BACC1: variants seen among roughly 807,000 people sequenced by gnomAD.
The protein encoded by BACC1 is BPTF-associated chromatin complex component 1.
At chr17:7,014,785 C>A in the BACC1 span, 5 of 1,516,042 alleles carry the variant, frequency 3.3e-6, no homozygotes, top group South Asian at 1.2e-5. This position sits in a 1 kb window ranked among gnomAD's most constrained non-coding sequence, Gnocchi z 4.5. Context: ...GCCGCTCAGT[C>A]TCCCTGCTCT....
At chr17:7,015,538 G>T in the BACC1 span, 6 of 1,416,742 alleles carry the variant, frequency 4.2e-6, no homozygotes, top group Non-Finnish European at 4.6e-6. Flanking sequence ...CGTTGATGGT[G>T]GAAAGGGGTG....
At chr17:7,014,926 G>T in the BACC1 span, 1 of 1,499,802 alleles carries the variant, frequency 6.7e-7, no homozygotes, top group Non-Finnish European at 8.9e-7. The surrounding 1 kb of genome is among the most constrained non-coding windows in gnomAD (Gnocchi z 4.5). Flanking sequence ...ACGGGAGGGC[G>T]GGCCCCCCAC....
the BACC1 span, chr17:7,016,805 G>T: frequency 6.6e-7 from 1 of 1,518,624 alleles, no homozygotes; most frequent in South Asian, 1.2e-5. Context: ...GGTTCCCAGA[G>T]AGGGGCAGAG....
the BACC1 span, chr17:7,016,538 T>G: frequency 3.1e-6 from 5 of 1,614,142 alleles, no homozygotes; most frequent in Non-Finnish European, 3.4e-6. Context: ...ATATGAAGAT[T>G]CTGGCATCCC....
the BACC1 span, chr17:7,014,834 C>T: frequency 6.5e-7 from 1 of 1,529,266 alleles, no homozygotes; most frequent in East Asian, 2.6e-5. The surrounding 1 kb of genome is among the most constrained non-coding windows in gnomAD (Gnocchi z 4.5). Flanking sequence ...GCGGCGGCGT[C>T]TCCGTGAGGA....
chr17:7,015,758 T>G, the BACC1 span: 1 of 1,594,472 alleles, frequency 6.3e-7, no homozygotes, highest in South Asian at 1.1e-5. Context: ...CTATCCCCCC[T>G]CTCCCCTTCT....
At chr17:7,015,824 G>T in the BACC1 span, 3 of 1,614,148 alleles carry the variant, frequency 1.9e-6, no homozygotes. Flanking sequence ...GCTGTGAAGC[G>T]ATTTGGGGAC....
the BACC1 span, chr17:7,016,770 C>T: frequency 6.5e-7 from 1 of 1,533,820 alleles, no homozygotes; most frequent in Non-Finnish European, 8.9e-7. Context: ...AAAGAAGGGT[C>T]AGTCTCTCTT....
the BACC1 span, chr17:7,017,169 G>A: frequency 9.5e-5 from 150 of 1,580,006 alleles, no homozygotes; most frequent in East Asian, 3.1e-4. Context: ...GGATCAGTAC[G>A]TAGCAGGGTG....
chr17:7,017,128 GA>G, the BACC1 span: 1 of 1,534,284 alleles, frequency 6.5e-7, no homozygotes, highest in Non-Finnish European at 9.0e-7. Flanking sequence ...TTTCAGAAGA[GA>G]AGGTGCTCTC....
At chr17:7,015,994 T>A in the BACC1 span, 1 of 780,442 alleles carries the variant, frequency 1.3e-6, no homozygotes, top group African/African-American at 1.7e-5. Flanking sequence ...TGTCACTAGT[T>A]TTTTAGAATC....
the BACC1 span, chr17:7,017,477 T>C: frequency 4.1e-6 from 3 of 735,388 alleles, no homozygotes; most frequent in African/African-American, 5.2e-5. Flanking sequence ...GACCTTCATC[T>C]GATGGACATT....
At chr17:7,015,490 G>T in the BACC1 span, 1 of 1,369,878 alleles carries the variant, frequency 7.3e-7, no homozygotes, top group South Asian at 1.7e-5. Flanking sequence ...CCTTCCTGGC[G>T]AGTTGGTTTC....
chr17:7,017,475 T>C, the BACC1 span: 1 of 738,834 alleles, frequency 1.4e-6, no homozygotes. Context: ...TTGACCTTCA[T>C]CTGATGGACA....
chr17:7,016,466 T>C, the BACC1 span: 1 of 1,604,564 alleles, frequency 6.2e-7, no homozygotes, highest in Non-Finnish European at 8.5e-7. Flanking sequence ...TGATGACTCC[T>C]TTCCTAACCT....
chr17:7,015,854 GT>G, the BACC1 span: 1 of 1,614,144 alleles, frequency 6.2e-7, no homozygotes, highest in Non-Finnish European at 8.5e-7. Flanking sequence ...CACATCAGCT[GT>G]GTCATCAAGG....
the BACC1 span, chr17:7,015,290 T>C: frequency 7.2e-7 from 1 of 1,395,168 alleles, no homozygotes; most frequent in African/African-American, 1.5e-5. Flanking sequence ...TCGGTGTTAA[T>C]AAATGATCGT....
chr17:7,016,550 C>G, the BACC1 span: 5 of 1,614,054 alleles, frequency 3.1e-6, no homozygotes, highest in East Asian at 2.2e-5. Flanking sequence ...TGGCATCCCC[C>G]TTCCAGCTGA....
chr17:7,015,343 A>C, the BACC1 span: 1 of 1,375,308 alleles, frequency 7.3e-7, no homozygotes, highest in Non-Finnish European at 9.3e-7. Flanking sequence ...AGACAGGCCC[A>C]TAGCCCAGAC....
Sources: allele counts gnomAD v4.1 joint callset, GRCh38; gene constraint gnomAD v4.1.1; non-coding constraint Gnocchi (gnomAD v3.1); transcripts MANE v1.5; gene names NCBI Gene and HGNC (gene_info 2026-07-23, HGNC 2026-07-21).